The following PIWIL2 variants were observed in gnomAD, a reference collection of about 807,000 sequenced individuals.
PIWIL2 encodes the protein piwi-like protein 2.
In PIWIL2, 81 loss-of-function variants were observed where a neutral mutation model predicts 116.5. The observed-to-expected ratio is 0.70, with a 90% confidence interval of 0.58 to 0.84. The LOEUF (loss-of-function observed/expected upper bound fraction) is 0.84. Ranked by LOEUF, PIWIL2 falls within the 40% of genes least tolerant of loss-of-function variation. PIWIL2 has a pLI of 0.00. For synonymous variants in PIWIL2, 489 were observed against 429.5 expected (o/e 1.14, Z -1.71); for missense variants, 1,272 against 1,212.3 (o/e 1.05, Z -0.73).
At chr8:22,354,860 A>G (rs1832454310) in intron 22 of PIWIL2, among the ~76,000 whole-genome samples, 2 of 152,218 alleles carry the variant, frequency 1.3e-5, no homozygotes, top group Admixed American at 6.5e-5. Context: ...ACCTGAGGCC[A>G]GGAGTTCGAG....
In PIWIL2 at chr8:22,315,060, C is replaced by T. The variant is rs1209909543; in HGVS notation, c.2123C>T (p.Thr708Ile). 3.2e-5 allele frequency: 51 copies of T among 1,613,524 alleles called. No homozygotes were observed. The highest frequency in any genetic ancestry group is 4.2e-5 in the Non-Finnish European group (49 of 1,179,574). ...AATGTTCGAACCATTGGTCAGCCCACCAGGCTTCGGAGTGTGGCCCAGAAG... is the reference window on the plus strand; with the variant it reads ...AATGTTCGAACCATTGGTCAGCCCATCAGGCTTCGGAGTGTGGCCCAGAAG... Reference protein sequence around the residue: ...VVNVRTIGQPTRLRSVAQKIL... With the variant: ...VVNVRTIGQPIRLRSVAQKIL... The change falls in exon 18 of 23, where the codon ACC becomes ATC. Residue 708 changes from threonine to isoleucine, a missense_variant. By Grantham distance (89) the Thr-to-Ile change is moderately conservative. Transcript: ENST00000356766.
intron 20 of PIWIL2, among the ~76,000 whole-genome samples, chr8:22,337,830 C>G (rs144486732): frequency 4.5e-4 from 69 of 152,214 alleles, no homozygotes; most frequent in African/African-American, 1.4e-3. Context: ...CGCAGTGACT[C>G]GCACCTGTAA....
At chr8:22,321,880 C>T (rs923481912) in intron 20 of PIWIL2, 1 of 985,062 alleles carries the variant, frequency 1.0e-6, no homozygotes, top group East Asian at 1.1e-4. Flanking sequence ...CCAACACCTC[C>T]GAACAGTTGC....
At chr8:22,295,338 T>C (rs1329580537) in intron 10 of PIWIL2, among the ~76,000 whole-genome samples, 4 of 31,822 alleles carry the variant, frequency 1.3e-4, no homozygotes, top group East Asian at 5.4e-3. Flanking sequence ...TATGCTCAGC[T>C]TTTTTTTTTC....
intron 8 of PIWIL2, among the ~76,000 whole-genome samples, chr8:22,289,568 G>A (rs1314850746): frequency 6.6e-6 from 1 of 152,234 alleles, no homozygotes; most frequent in Admixed American, 6.5e-5. Context: ...GTAGTTAGTG[G>A]TGAAAAGTAA....
chr8:22,282,897 A>G, intron 4 of PIWIL2, 137 bp from the exon 5 acceptor site: 2 of 705,368 alleles, frequency 2.8e-6, no homozygotes, highest in Non-Finnish European at 5.0e-6. Context: ...GCCTTGGCAT[A>G]TGTAGTTTGA....
chr8:22,347,465 C>G (rs1034447480), intron 20 of PIWIL2, among the ~76,000 whole-genome samples: 3 of 151,214 alleles, frequency 2.0e-5, no homozygotes, highest in African/African-American at 7.3e-5. Context: ...GATCTGCTCG[C>G]CTCAGCCTCC....
intron 5 of PIWIL2, among the ~76,000 whole-genome samples, 196 bp downstream of exon 5, chr8:22,283,436 T>C (rs993132937): frequency 3.3e-5 from 5 of 152,164 alleles, no homozygotes; most frequent in Non-Finnish European, 5.9e-5. Context: ...TGAGACGGAG[T>C]CTCACTCTGT....
At chr8:22,353,764 CTTTT>C (rs760913894) in intron 21 of PIWIL2, among the ~76,000 whole-genome samples, 148 of 68,340 alleles carry the variant, frequency 2.2e-3, no homozygotes, top group African/African-American at 6.8e-3. Flanking sequence ...GTTTCTACCA[CTTTT>C]TTTTTTTTTT....
chr8:22,346,957 T>G (rs1832241107), intron 20 of PIWIL2, among the ~76,000 whole-genome samples: 1 of 151,962 alleles, frequency 6.6e-6, no homozygotes, highest in Non-Finnish European at 1.5e-5. Context: ...GAGGAGCACT[T>G]GAGCCCAGGA....
At chr8:22,288,276 T>C (rs941908603) in intron 7 of PIWIL2, among the ~76,000 whole-genome samples, 1 of 130,982 alleles carries the variant, frequency 7.6e-6, no homozygotes, top group African/African-American at 2.8e-5. Context: ...CCAGCCTGGG[T>C]GACAGAGCGA....
At position 22,311,125 on chromosome 8, in the gene PIWIL2, T is replaced by G; in HGVS notation, c.1814T>G (p.Phe605Cys). The G allele has an allele frequency of 6.2e-7, 1 of 1,611,706 alleles. No homozygotes were observed. The highest frequency in any genetic ancestry group is 2.2e-5 in the East Asian group (1 of 44,862). Residue 605 changes from phenylalanine (F) to cysteine (C), a missense_variant, in exon 16 of 23, where the codon TTC (phenylalanine) becomes TGC (cysteine). Physicochemically the swap from Phe to Cys is radical, Grantham distance 205. Transcript: ENST00000356766. ...GGTTGTTCCTAGATCCCCATGCATTTCTGGGCACTTTTTTACCCAAAGAGA... is the reference window on the plus strand; with the variant it reads ...GGTTGTTCCTAGATCCCCATGCATTGCTGGGCACTTTTTTACCCAAAGAGA... ...DPSILTIPMH[F>C]WALFYPKRAM...
intron 12 of PIWIL2, 71 bp downstream of exon 12, chr8:22,304,939 C>T: frequency 8.6e-6 from 9 of 1,046,022 alleles, no homozygotes; most frequent in Non-Finnish European, 1.4e-5. Context: ...TAGCCGTCCT[C>T]ATGGCTTTGT....
intron 20 of PIWIL2, among the ~76,000 whole-genome samples, chr8:22,319,525 T>C (rs1249440137): frequency 6.6e-6 from 1 of 152,222 alleles, no homozygotes; most frequent in Non-Finnish European, 1.5e-5. Flanking sequence ...TGTATCCTTA[T>C]TTATGCATCC....
At chr8:22,291,933 G>A (rs1296871799) in intron 10 of PIWIL2, among the ~76,000 whole-genome samples, 3 of 152,224 alleles carry the variant, frequency 2.0e-5, no homozygotes, top group Non-Finnish European at 2.9e-5. Flanking sequence ...ACACGGTCAG[G>A]GCAATCAGAA....
chr8:22,296,020 CTTTTTTTTTTTT>C (rs67357452), intron 10 of PIWIL2, among the ~76,000 whole-genome samples: 19 of 102,844 alleles, frequency 1.8e-4, no homozygotes, highest in Admixed American at 3.1e-4. Flanking sequence ...CTCTTCCCTT[CTTTTTTTTTTTT>C]TTTTTTTTTT....
chr8:22,330,621 T>C lies in PIWIL2; in HGVS notation c.2403+12346T>C, dbSNP rs1831835799. On this transcript the variant is annotated intron_variant, in intron 20 of 22. Coordinates refer to ENST00000356766, the MANE Select transcript of PIWIL2 (RefSeq NM_018068.5). ...CTGAAGCAGGAGAACTGCTTGAACC[T>C]GGGAGGCGGAGGTTGCAGTGAGCCG... Among the ~76,000 whole-genome samples the C allele has an allele frequency of 4.0e-5, 6 of 151,040 alleles. No homozygotes were observed. The Admixed American group carries it at 4.0e-4, about 10-fold the overall frequency.
intron 20 of PIWIL2, among the ~76,000 whole-genome samples, chr8:22,331,680 C>T (rs1831865359): frequency 6.6e-6 from 1 of 152,076 alleles, no homozygotes; most frequent in Non-Finnish European, 1.5e-5. Context: ...CTGGCTTACA[C>T]AACAGAAATT....
chr8:22,349,270 G>A (rs1313922961), intron 20 of PIWIL2, among the ~76,000 whole-genome samples: 1 of 151,044 alleles, frequency 6.6e-6, no homozygotes, highest in African/African-American at 2.4e-5. Context: ...GCCTCCCAAA[G>A]TGCTGGGATT....
Sources: gnomAD v4.1 joint callset for allele counts (sites outside exome capture counted in the v4.1 genomes callset) on GRCh38, gnomAD v4.1.1 for gene constraint, MANE v1.5 for transcripts, NCBI Gene and HGNC (gene_info 2026-07-23, HGNC 2026-07-21) for gene names.